The following TOB2 variants were observed in gnomAD, a reference collection of about 807,000 sequenced individuals.
The protein encoded by TOB2 is protein Tob2.
In TOB2, 3 loss-of-function variants were observed where a neutral mutation model predicts 17.3. The observed-to-expected ratio is 0.17, with a 90% CI of 0.08 to 0.45. TOB2 has a LOEUF of 0.45. Ranked by LOEUF, TOB2 falls within the 20% of genes least tolerant of loss-of-function variation. The pLI is 0.99. For missense variants in TOB2, 407 were observed against 445.7 expected (o/e 0.91, Z 0.78); for synonymous variants, 163 against 185.6 (o/e 0.88, Z 0.99).
intron 1 of TOB2, among the ~76,000 whole-genome samples, chr22:41,443,512 GC>G (rs1448981026): frequency 1.3e-5 from 2 of 151,510 alleles, no homozygotes; most frequent in Non-Finnish European, 2.9e-5. Context: ...TAGAGACGGG[GC>G]TTCACCATGT....
At chr22:41,445,302 G>C (rs1408573001) in intron 1 of TOB2, among the ~76,000 whole-genome samples, 2 of 152,136 alleles carry the variant, frequency 1.3e-5, no homozygotes, top group Admixed American at 6.5e-5. Flanking sequence ...CCAGATCCTC[G>C]GCAAGCTCCC....
Position 41,436,695 on chromosome 22 carries a change from A to AGGCTGCTGTGGT in TOB2, c.639_650dup (p.Pro214_Pro217dup), listed in dbSNP as rs769791615. On this transcript the variant is annotated inframe_insertion, in exon 2 of 2. Transcript: ENST00000327492. This position sits in a 1 kb window ranked among gnomAD's most constrained non-coding sequence, Gnocchi z 4.8. The stretch of plus-strand genomic sequence containing the variant: ...TGTTGGTGGGTGAGCGGGCCATGCG[A>AGGCTGCTGTGGT]GGCTGCTGTGGTGGCTGCTGGCCAC... 1.2e-6 allele frequency: 2 copies of AGGCTGCTGTGGT among 1,613,508 alleles called. No homozygotes were observed. Among genetic ancestry groups the AGGCTGCTGTGGT allele is most frequent in the African/African-American group, 1.3e-5 (1 of 74,870 alleles).
intron 1 of TOB2, among the ~76,000 whole-genome samples, chr22:41,443,392 T>C (rs2037641256): frequency 6.6e-6 from 1 of 152,140 alleles, no homozygotes; most frequent in Admixed American, 6.6e-5. Flanking sequence ...CCATCTTGGC[T>C]CACTGCAACC....
intron 1 of TOB2, among the ~76,000 whole-genome samples, chr22:41,442,913 T>C (rs891503876): frequency 4.6e-5 from 7 of 152,196 alleles, no homozygotes; most frequent in Non-Finnish European, 4.4e-5. Flanking sequence ...CAGAGGACAC[T>C]AAGATCTTTT....
At position 41,434,402 on chromosome 22, in the gene TOB2, G is replaced by C. The variant is rs1374762172; in HGVS notation, c.*1909C>G. On this transcript the variant is annotated 3_prime_UTR_variant, in exon 2 of 2. Transcript: ENST00000327492. The stretch of plus-strand genomic sequence containing the variant: ...GTAAGGCAGCATCCAACCTTTCCCA[G>C]AGAGAAGCTATCTGCTGGGTCTGTC... 6.5e-6 allele frequency: 1 copy of C among 152,920 alleles called. No individual in the cohort carries two copies. Among genetic ancestry groups the C allele is most frequent in the Admixed American group, 6.6e-5 (1 of 15,266 alleles). The allele number at this position is 152,920 out of a possible 1,614,324, so 9.5% of individuals were successfully genotyped here. A position where few individuals can be genotyped will look rare whatever the true frequency, so the allele number is the denominator to read the frequency against.
At chr22:41,443,964 A>T (rs1229416428) in intron 1 of TOB2, among the ~76,000 whole-genome samples, 2 of 152,170 alleles carry the variant, frequency 1.3e-5, no homozygotes, top group African/African-American at 4.8e-5. Flanking sequence ...TTCAAAGAGG[A>T]AAAGGAGGGA....
At chr22:41,445,405 G>A (rs984033230) in intron 1 of TOB2, among the ~76,000 whole-genome samples, 2 of 152,194 alleles carry the variant, frequency 1.3e-5, no homozygotes, top group South Asian at 2.1e-4. Flanking sequence ...GCCCAAGAAA[G>A]CAATAGGATT....
At chr22:41,438,630 C>CAAAGAAAAAA (rs2037580234) in intron 1 of TOB2, among the ~76,000 whole-genome samples, 1 of 12,680 alleles carries the variant, frequency 7.9e-5, no homozygotes, top group African/African-American at 1.8e-4. Context: ...AACTCTGTCT[C>CAAAGAAAAAA]AAAAAAAAAA....
chr22:41,437,261 C>G lies in TOB2; in HGVS notation c.85G>C (p.Gly29Arg), dbSNP rs371138962. 5.6e-6 allele frequency: 9 copies of G among 1,614,000 alleles called. No individual in the cohort carries two copies. The highest frequency in any genetic ancestry group is 1.3e-5 in the African/African-American group (1 of 74,904). The change falls in exon 2 of 2, where the codon GGG becomes CGG. Residue 29 changes from glycine (G) to arginine (R), a missense_variant. Transcript: ENST00000327492. ...KLPRRRADLF[G>R]EELERLLKKK... Reference sequence around the variant, plus strand: ...TTCAAAAGCCGCTCTAGCTCCTCCCCAAACAGGTCTGCCCGGCGCCGGGGC... The same window carrying G: ...TTCAAAAGCCGCTCTAGCTCCTCCCGAAACAGGTCTGCCCGGCGCCGGGGC...
At chr22:41,444,772 T>G (rs2037663800) in intron 1 of TOB2, among the ~76,000 whole-genome samples, 1 of 152,220 alleles carries the variant, frequency 6.6e-6, no homozygotes, top group African/African-American at 2.4e-5. Flanking sequence ...AGCCTAACTT[T>G]CCCACCTTTC....
chr22:41,444,619 C>T (rs1045676190), intron 1 of TOB2, among the ~76,000 whole-genome samples: 2 of 152,240 alleles, frequency 1.3e-5, no homozygotes, highest in African/African-American at 2.4e-5. Flanking sequence ...GGTCGAAGAG[C>T]CCAGGAAAAG....
At chr22:41,442,106 A>AG (rs896503802) in intron 1 of TOB2, among the ~76,000 whole-genome samples, 2 of 151,664 alleles carry the variant, frequency 1.3e-5, no homozygotes, top group Non-Finnish European at 2.9e-5. Flanking sequence ...AAAAAAAAAA[A>AG]AAAAGAAAAA....
chr22:41,445,008 A>C (rs2037666694), intron 1 of TOB2, among the ~76,000 whole-genome samples: 1 of 152,224 alleles, frequency 6.6e-6, no homozygotes, highest in Non-Finnish European at 1.5e-5. Flanking sequence ...CAGCACCCCA[A>C]ACAGCCAGGA....
In TOB2 at chr22:41,436,083, A is replaced by T. The variant is rs1343064779; in HGVS notation, c.*228T>A. 5.1e-5 allele frequency: 23 copies of T among 453,866 alleles called. No individual in the cohort carries two copies. The highest frequency in any genetic ancestry group is 1.1e-5 in the Non-Finnish European group (3 of 266,230). 28.1% of individuals were successfully genotyped at this position (453,866 alleles called of 1,614,324 possible). ...GAAAAAGAAATATAAAACCCAAACC[A>T]ACCAAATAAATCACAGGCCGGTGGG... On this transcript the variant is annotated 3_prime_UTR_variant, in exon 2 of 2. Transcript: ENST00000327492. The surrounding 1 kb of genome is among the most constrained non-coding windows in gnomAD (Gnocchi z 4.8).
chr22:41,441,947 C>T (rs926184419), intron 1 of TOB2, among the ~76,000 whole-genome samples: 3 of 150,920 alleles, frequency 2.0e-5, no homozygotes, highest in African/African-American at 7.3e-5. Context: ...TAAAAATTAG[C>T]CCAGCATGAT....
At chr22:41,440,970 G>C (rs546066923) in intron 1 of TOB2, among the ~76,000 whole-genome samples, 1 of 152,024 alleles carries the variant, frequency 6.6e-6, no homozygotes, top group East Asian at 1.9e-4. Flanking sequence ...AGCCTCAAAT[G>C]TCTATTAATG....
In TOB2 at chr22:41,436,463, T is replaced by G; in HGVS notation, c.883A>C (p.Asn295His). ...TGGGCCATGTCAAAGCTGCTGCTGT[T>G]GCAGGTGCCAGCCCCACTGCCTCCA... ...PFGGSGAGTCNSSSFDMAQVF... is the reference protein window; with the variant it reads ...PFGGSGAGTCHSSSFDMAQVF... Residue 295 changes from asparagine to histidine, a missense_variant, in exon 2 of 2, where the codon AAC (asparagine) becomes CAC (histidine). Transcript: ENST00000327492. This position sits in a 1 kb window ranked among gnomAD's most constrained non-coding sequence, Gnocchi z 4.8. 1 of 1,614,218 alleles carries G rather than the reference T, an allele frequency of 6.2e-7. No homozygotes were observed.
At chr22:41,444,419 A>G (rs1426904477) in intron 1 of TOB2, among the ~76,000 whole-genome samples, 4 of 152,218 alleles carry the variant, frequency 2.6e-5, no homozygotes, top group Non-Finnish European at 5.9e-5. Context: ...AACTCGACTC[A>G]ACCCAAACGT....
intron 1 of TOB2, among the ~76,000 whole-genome samples, chr22:41,441,910 A>AC: frequency 6.6e-6 from 1 of 151,566 alleles, no homozygotes; most frequent in Admixed American, 6.6e-5. Context: ...TTTCTCAAAA[A>AC]AAAAAAAAAG....
Sources: gnomAD v4.1 joint callset for allele counts (sites outside exome capture counted in the v4.1 genomes callset) on GRCh38, gnomAD v4.1.1 for gene constraint, Gnocchi (gnomAD v3.1) non-coding constraint, MANE v1.5 for transcripts, NCBI Gene and HGNC (gene_info 2026-07-23, HGNC 2026-07-21) for gene names.